TSPAN12: variants seen among roughly 807,000 people sequenced by gnomAD.
The protein encoded by TSPAN12 is tetraspanin 12.
A neutral mutation model predicts 39.2 loss-of-function variants in TSPAN12; 19 were observed. The ratio of observed to expected loss-of-function variants is 0.49; its 90% confidence interval spans 0.34 to 0.71. The LOEUF (loss-of-function observed/expected upper bound fraction) is 0.71. Among genes scored for constraint, TSPAN12 ranks in the 30% least tolerant of loss-of-function variants. The pLI is 0.01. For synonymous variants in TSPAN12, 119 were observed against 124.8 expected (o/e 0.95, Z 0.31); for missense variants, 314 against 359.9 (o/e 0.87, Z 1.03).
At chr7:120,847,747 T>G (rs62469950) in intron 2 of TSPAN12, among the ~76,000 whole-genome samples, 2 of 152,230 alleles carry the variant, frequency 1.3e-5, no homozygotes, top group African/African-American at 4.8e-5. Context: ...TACTTTATAA[T>G]AGAACTCTTC....
At chr7:120,856,979 T>C (rs1794884963) in intron 1 of TSPAN12, 146 bp from the exon 2 acceptor site, 1 of 618,574 alleles carries the variant, frequency 1.6e-6, no homozygotes, top group East Asian at 2.8e-5. Flanking sequence ...CAAAAATCAT[T>C]TGTTAAAATC....
At chr7:120,822,441 G>GGCATAATCCCAGGGAAAACT (rs1220738978) in intron 4 of TSPAN12, among the ~76,000 whole-genome samples, 1 of 151,854 alleles carries the variant, frequency 6.6e-6, no homozygotes, top group African/African-American at 2.4e-5. Context: ...TATTTTAAAA[G>GGCATAATCCCAGGGAAAACT]GCATAATCCC....
At chr7:120,816,210 T>C (rs1290577682) in intron 4 of TSPAN12, among the ~76,000 whole-genome samples, 2 of 151,988 alleles carry the variant, frequency 1.3e-5, no homozygotes, top group Admixed American at 1.3e-4. Context: ...TTCTAGGCAA[T>C]GGGGGTTGGG....
chr7:120,826,914 G>C (rs1434316182), intron 4 of TSPAN12, among the ~76,000 whole-genome samples: 1 of 152,056 alleles, frequency 6.6e-6, no homozygotes, highest in Non-Finnish European at 1.5e-5. Flanking sequence ...GTAGAGATGA[G>C]GTTTTACCAC....
At chr7:120,809,829 C>G (rs1015847998) in intron 6 of TSPAN12, among the ~76,000 whole-genome samples, 2 of 152,096 alleles carry the variant, frequency 1.3e-5, no homozygotes, top group Admixed American at 1.3e-4. Flanking sequence ...CGCACCTATA[C>G]TTTGTAATGT....
chr7:120,851,538 T>G (rs1040553045), intron 2 of TSPAN12, among the ~76,000 whole-genome samples: 4 of 151,982 alleles, frequency 2.6e-5, no homozygotes, highest in Non-Finnish European at 5.9e-5. Flanking sequence ...GTCAGAAATT[T>G]TCAAGGAGAA....
At chr7:120,858,185 T>A (rs1021377112), upstream of TSPAN12, 1 of 152,146 alleles carries the variant, frequency 6.6e-6, no homozygotes, top group Non-Finnish European at 1.5e-5. Context: ...TCCTAGTGGG[T>A]GTTTCTTGTC....
At chr7:120,798,220 T>C (rs1270716683) in intron 7 of TSPAN12, among the ~76,000 whole-genome samples, 1 of 152,188 alleles carries the variant, frequency 6.6e-6, no homozygotes, top group African/African-American at 2.4e-5. Flanking sequence ...CCTGATTCGA[T>C]CAAGCAAAGC....
chr7:120,821,001 G>T (rs900452794), intron 4 of TSPAN12, among the ~76,000 whole-genome samples: 2 of 151,948 alleles, frequency 1.3e-5, no homozygotes, highest in African/African-American at 4.8e-5. Flanking sequence ...AGGGAATAAC[G>T]TGCAGACTCT....
At chr7:120,846,055 T>C (rs1794662849) in intron 2 of TSPAN12, among the ~76,000 whole-genome samples, 3 of 152,200 alleles carry the variant, frequency 2.0e-5, no homozygotes, top group South Asian at 2.1e-4. Context: ...CTTTCAAACA[T>C]GGTGGAAGGG....
At chr7:120,805,056 A>G (rs1335478664) in intron 7 of TSPAN12, among the ~76,000 whole-genome samples, 1 of 152,054 alleles carries the variant, frequency 6.6e-6, no homozygotes, top group Non-Finnish European at 1.5e-5. Flanking sequence ...AGAGCCACTC[A>G]GTTTGTGGGA....
intron 1 of TSPAN12, 47 bp from the exon 2 acceptor site, chr7:120,856,880 CT>C: frequency 8.8e-7 from 1 of 1,134,528 alleles, no homozygotes; most frequent in South Asian, 1.3e-5. Context: ...CACCATCACG[CT>C]TCCCACAGCC....
intron 7 of TSPAN12, among the ~76,000 whole-genome samples, chr7:120,800,250 G>A (rs148902379): frequency 0.012 from 1,834 of 152,126 alleles, 20 homozygotes; most frequent in African/African-American, 0.027. Context: ...CCCTCAAACA[G>A]CCCATCCCAC....
chr7:120,854,392 T>C (rs1181462989), intron 2 of TSPAN12, among the ~76,000 whole-genome samples: 1 of 152,220 alleles, frequency 6.6e-6, no homozygotes, highest in Admixed American at 6.5e-5. Context: ...ATCATTGTAG[T>C]AGTTATAGTA....
intron 7 of TSPAN12, among the ~76,000 whole-genome samples, chr7:120,803,131 G>A (rs41632): frequency 0.6 from 90,736 of 151,978 alleles, 29,062 homozygotes; most frequent in Middle Eastern, 0.78. Flanking sequence ...AATATTTTTA[G>A]TGATGAGACA....
In TSPAN12 at chr7:120,788,828, T is replaced by C; in HGVS notation, c.682A>G (p.Ile228Val). Residue 228 changes from isoleucine to valine, a missense_variant, in exon 8 of 8, where the codon ATC becomes GTC. Ile to Val is a conservative substitution (Grantham distance 29). Coordinates refer to ENST00000222747, the MANE Select transcript of TSPAN12 (RefSeq NM_012338.4). ...AGGATTTGTGTCACCCCAATGGAGA[T>C]TCCCAGAAACCTCAGCACCTGCAGT... ...KQLQVLRFLG[I>V]SIGVTQILAM... 1 of 1,614,106 alleles carries C rather than the reference T, an allele frequency of 6.2e-7. No individual in the cohort carries two copies. Among genetic ancestry groups the C allele is most frequent in the Non-Finnish European group, 8.5e-7 (1 of 1,180,002 alleles).
intron 7 of TSPAN12, among the ~76,000 whole-genome samples, chr7:120,797,865 T>G (rs1793663838): frequency 6.6e-6 from 1 of 152,216 alleles, no homozygotes; most frequent in South Asian, 2.1e-4. Flanking sequence ...ATCTGTTAGT[T>G]TCCTACCTTA....
In TSPAN12 at chr7:120,787,501, A is replaced by G. The variant is rs1793431416; in HGVS notation, c.*1091T>C. ...ACAGTATATTAATCAGTGAAATAAA[A>G]CAAAGAATCTCTAAATTGTCACATG... On this transcript the variant is annotated 3_prime_UTR_variant, in exon 8 of 8. Transcript: ENST00000222747. The G allele has an allele frequency of 6.6e-6, 1 of 152,610 alleles. No individual in the cohort carries two copies. Among genetic ancestry groups the G allele is most frequent in the Non-Finnish European group, 1.5e-5 (1 of 67,990 alleles). The allele number at this position is 152,610 out of a possible 1,614,324, so 9.5% of individuals were successfully genotyped here. A position where few individuals can be genotyped will look rare whatever the true frequency, so the allele number is the denominator to read the frequency against.
chr7:120,788,814 C>T lies in TSPAN12; in HGVS notation c.696G>A (p.Val232=). The T allele has an allele frequency of 6.2e-7, 1 of 1,614,158 alleles. No homozygotes were observed. The highest frequency in any genetic ancestry group is 1.1e-5 in the South Asian group (1 of 91,076). The change falls in exon 8 of 8, where the codon GTG becomes GTA. Residue 232 remains valine (V), a synonymous_variant. Coordinates refer to ENST00000222747, the MANE Select transcript of TSPAN12 (RefSeq NM_012338.4). The stretch of plus-strand genomic sequence containing the variant: ...TGAGAATCATGGCCAGGATTTGTGT[C>T]ACCCCAATGGAGATTCCCAGAAACC... ...VLRFLGISIG[V]TQILAMILTI... is the part of the protein sequence containing the mutation.
Sources: allele counts gnomAD v4.1 joint callset (sites outside exome capture counted in the v4.1 genomes callset), GRCh38; gene constraint gnomAD v4.1.1; transcripts MANE v1.5; gene names NCBI Gene and HGNC (gene_info 2026-07-23, HGNC 2026-07-21).